Variants in SLC35F4 observed in about 807,000 individuals in gnomAD.
SLC35F4 encodes chromosome 14 open reading frame 36.
SLC35F4 carries 24 observed loss-of-function variants against 44.2 expected under a neutral mutation model. The observed-to-expected ratio is 0.54, with a 90% CI of 0.39 to 0.76. The LOEUF (loss-of-function observed/expected upper bound fraction) is 0.76. Among genes scored for constraint, SLC35F4 ranks in the 30% least tolerant of loss-of-function variants. SLC35F4 has a pLI of 0.00. For synonymous variants in SLC35F4, 238 were observed against 223.6 expected, an observed-to-expected ratio of 1.06 and a Z score of -0.57; for missense variants, 562 against 586.1, an observed-to-expected ratio of 0.96 and a Z score of 0.42.
chr14:57,778,527 C>T (rs976613690), intron 1 of SLC35F4, among the ~76,000 whole-genome samples: 4 of 151,594 alleles, frequency 2.6e-5, no homozygotes, highest in African/African-American at 7.3e-5. Flanking sequence ...CACATTAAAA[C>T]ACTGGAAGAC....
chr14:57,614,505 G>A (rs1319285369), intron 1 of SLC35F4, among the ~76,000 whole-genome samples: 1 of 152,146 alleles, frequency 6.6e-6, no homozygotes, highest in African/African-American at 2.4e-5. Flanking sequence ...GGTTTCATGA[G>A]TAAAGTTGTT....
intron 1 of SLC35F4, among the ~76,000 whole-genome samples, chr14:57,900,153 T>G (rs921362730): frequency 1.3e-5 from 2 of 152,294 alleles, no homozygotes; most frequent in South Asian, 4.1e-4. Flanking sequence ...CACTGTTTGG[T>G]GCATTTTACA....
At chr14:57,795,307 T>C (rs2078029067) in intron 1 of SLC35F4, among the ~76,000 whole-genome samples, 1 of 152,198 alleles carries the variant, frequency 6.6e-6, no homozygotes, top group Non-Finnish European at 1.5e-5. Flanking sequence ...GACTTTCACA[T>C]ATGTGCTCAG....
At chr14:57,863,195 T>C (rs532370252) in intron 1 of SLC35F4, among the ~76,000 whole-genome samples, 1 of 152,366 alleles carries the variant, frequency 6.6e-6, no homozygotes, top group South Asian at 2.1e-4. Flanking sequence ...AGATTTCTTA[T>C]TTATATTTAC....
At chr14:57,896,525 C>T (rs962521746) in intron 1 of SLC35F4, among the ~76,000 whole-genome samples, 2 of 152,068 alleles carry the variant, frequency 1.3e-5, no homozygotes, top group Non-Finnish European at 2.9e-5. Context: ...CCCATAAGGA[C>T]GTATATGTGA....
At chr14:57,729,218 T>A (rs936191568) in intron 1 of SLC35F4, among the ~76,000 whole-genome samples, 2 of 152,208 alleles carry the variant, frequency 1.3e-5, no homozygotes, top group Non-Finnish European at 2.9e-5. Context: ...GGAATTTCTC[T>A]GATATTATCC....
At chr14:57,665,407 T>C (rs2074273986) in intron 1 of SLC35F4, among the ~76,000 whole-genome samples, 1 of 152,144 alleles carries the variant, frequency 6.6e-6, no homozygotes, top group Admixed American at 6.5e-5. Context: ...TTTACTACTC[T>C]TCACAATCCT....
At chr14:57,797,720 A>G (rs190909253) in intron 1 of SLC35F4, among the ~76,000 whole-genome samples, 21 of 152,328 alleles carry the variant, frequency 1.4e-4, no homozygotes, top group Admixed American at 1.0e-3. Context: ...AACTGAGAAG[A>G]AATTTGTAAA....
At chr14:57,744,554 C>T (rs773771789) in intron 1 of SLC35F4, among the ~76,000 whole-genome samples, 4 of 152,056 alleles carry the variant, frequency 2.6e-5, no homozygotes, top group Non-Finnish European at 5.9e-5. Flanking sequence ...GAACTACAAA[C>T]CACTGCTCAA....
intron 1 of SLC35F4, among the ~76,000 whole-genome samples, chr14:57,800,087 AC>A (rs2078155317): frequency 6.6e-6 from 1 of 152,028 alleles, no homozygotes; most frequent in Non-Finnish European, 1.5e-5. Flanking sequence ...GTCTCTAGCC[AC>A]CTCCTACAGG....
chr14:57,618,482 C>T (rs910564263), intron 1 of SLC35F4, among the ~76,000 whole-genome samples: 1 of 152,162 alleles, frequency 6.6e-6, no homozygotes, highest in Non-Finnish European at 1.5e-5. Flanking sequence ...AGGAACTGTA[C>T]TGTGAGGAAC....
At chr14:57,922,763 G>C (rs971091753) in intron 1 of SLC35F4, among the ~76,000 whole-genome samples, 3 of 152,280 alleles carry the variant, frequency 2.0e-5, no homozygotes, top group African/African-American at 7.2e-5. Flanking sequence ...GTGACCTTGG[G>C]AAGTGTCTCT....
chr14:57,925,290 C>G (rs1889534856), intron 1 of SLC35F4, among the ~76,000 whole-genome samples: 1 of 152,070 alleles, frequency 6.6e-6, no homozygotes, highest in Non-Finnish European at 1.5e-5. Context: ...GTAATACAGA[C>G]TTCAGGTTGG....
chr14:57,573,288 G>C (rs2068607982), intron 4 of SLC35F4, among the ~76,000 whole-genome samples: 1 of 152,164 alleles, frequency 6.6e-6, no homozygotes, highest in South Asian at 2.1e-4. Flanking sequence ...TTTCAGAGTA[G>C]CTCCATATTA....
At chr14:57,580,376 T>C (rs1179438903) in intron 4 of SLC35F4, 1 of 180,234 alleles carries the variant, frequency 5.5e-6, no homozygotes, top group Non-Finnish European at 1.2e-5. Flanking sequence ...ATCTTGGACA[T>C]CTCTTTCAGA....
rs1458818197 is a variant in SLC35F4 at position 57,646,269 on chromosome 14, G to A, written c.104-52145C>T. Among the ~76,000 whole-genome samples, 3 of 151,988 alleles carry A rather than the reference G, an allele frequency of 2.0e-5. No homozygotes were observed. In the East Asian group the frequency reaches 5.8e-4, roughly 29 times the overall value. ...ATCTGGTCCTGGACTTTTTTTGGTT[G>A]GTAAGCTATTAATTATTGTCTCAAT... On this transcript the variant is annotated intron_variant, in intron 1 of 7. Transcript: ENST00000556826.
At chr14:57,601,751 C>T (rs8004207) in intron 1 of SLC35F4, among the ~76,000 whole-genome samples, 55,022 of 151,976 alleles carry the variant, frequency 0.36, 10,577 homozygotes, top group Admixed American at 0.45. Flanking sequence ...ATCACTGCTA[C>T]CTATTTTTAC....
At chr14:57,758,960 C>T (rs910284873) in intron 1 of SLC35F4, among the ~76,000 whole-genome samples, 3 of 152,080 alleles carry the variant, frequency 2.0e-5, no homozygotes, top group Non-Finnish European at 2.9e-5. Flanking sequence ...ATTATAAACA[C>T]CTCATATAAG....
rs538361818 is a variant in SLC35F4 at position 57,910,233 on chromosome 14, C to A, written n.282+71680G>T. On this transcript the variant is annotated intron_variant and non_coding_transcript_variant, in intron 1 of 1. Coordinates refer to the SLC35F4 transcript ENST00000556568. ...TCGGATGTGTCTTTTGCAATATTTT[C>A]TCTTAGAATTTGGCTTGTCTTCTCA... 9.0e-4 allele frequency among the ~76,000 whole-genome samples: 136 copies of A among 151,940 alleles called. 2 individuals are homozygous for A. The South Asian group carries it at 0.014, about 16-fold the overall frequency.
Sources: allele counts gnomAD v4.1 joint callset (sites outside exome capture counted in the v4.1 genomes callset), GRCh38; gene constraint gnomAD v4.1.1; transcripts MANE v1.5; gene names NCBI Gene and HGNC (gene_info 2026-07-23, HGNC 2026-07-21).